FURIN: variants seen among roughly 807,000 people sequenced by gnomAD.
The protein encoded by FURIN is furin, paired basic amino acid cleaving enzyme.
In FURIN, 18 loss-of-function variants were observed where a neutral mutation model predicts 89.2. The observed-to-expected ratio is 0.20, with a 90% CI of 0.14 to 0.30. The LOEUF is 0.30. Among genes scored for constraint, FURIN ranks in the 10% least tolerant of loss-of-function variants. The probability of loss-of-function intolerance (pLI) is 1.00; values close to 1 mark genes in which losing one functional copy is unlikely to be tolerated. For missense variants in FURIN, 879 were observed against 1,100.5 expected (o/e 0.80, Z 2.85); for synonymous variants, 508 against 466.4 (o/e 1.09, Z -1.15).
chr15:90,879,525 G>T lies in FURIN; in HGVS notation c.1135G>T (p.Ala379Ser). The T allele has an allele frequency of 6.2e-7, 1 of 1,612,524 alleles. No homozygotes were observed. Among genetic ancestry groups the T allele is most frequent in the African/African-American group, 1.3e-5 (1 of 75,020 alleles). Residue 379 changes from alanine to serine, a missense_variant, in exon 10 of 16, where the codon GCT (alanine) becomes TCT (serine). By Grantham distance (99) the Ala-to-Ser change is moderately conservative. Around this residue, in one of 5 missense-constraint regions of FURIN, gnomAD observed 156 missense variants for 243.7 expected, o/e 0.64. Transcript: ENST00000268171. Reference protein sequence around the residue: ...ASAPLAAGIIALTLEANKNLT... With the variant: ...ASAPLAAGIISLTLEANKNLT... ...TGCCCCCTTAGCAGCCGGCATCATT[G>T]CTCTCACCCTGGAGGCCAAGTAAGT...
rs201172453 is a variant in FURIN at position 90,875,849 on chromosome 15, C to T, written c.109C>T (p.Arg37Cys). The T allele has an allele frequency of 4.9e-5, 78 of 1,581,052 alleles. No individual in the cohort carries two copies. The Middle Eastern group carries it at 3.0e-3, about 60-fold the overall frequency. The change falls in exon 2 of 16, where the codon CGC (arginine) becomes TGC (cysteine). Residue 37 changes from arginine to cysteine, a missense_variant. By Grantham distance (180) the Arg-to-Cys change is radical. Around this residue, in one of 5 missense-constraint regions of FURIN, gnomAD observed 125 missense variants for 125.0 expected, o/e 1.00. Transcript: ENST00000268171. Reference protein sequence around the residue: ...QKVFTNTWAVRIPGGPAVANS... With the variant: ...QKVFTNTWAVCIPGGPAVANS... ...GGTCTTCACCAACACGTGGGCTGTG[C>T]GCATCCCTGGAGGCCCAGCGGTGGC...
In FURIN at chr15:90,880,252, G is replaced by A. The variant is rs747304590; in HGVS notation, c.1535G>A (p.Arg512His). ...CACCTGGTCAGCCCCATGGGCACCC[G>A]CTCCACCCTGCTGGCAGCCAGGTGC... Reference protein sequence around the residue: ...AIHLVSPMGTRSTLLAARPHD... With the variant: ...AIHLVSPMGTHSTLLAARPHD... Residue 512 changes from arginine (R) to histidine (H), a missense_variant, in exon 13 of 16, where the codon CGC (arginine) becomes CAC (histidine). Around this residue, in one of 5 missense-constraint regions of FURIN, gnomAD observed 457 missense variants for 490.7 expected, o/e 0.93. Transcript: ENST00000268171. 23 of 1,606,678 alleles carry A rather than the reference G, an allele frequency of 1.4e-5. No homozygotes were observed. Among genetic ancestry groups the A allele is most frequent in the East Asian group, 4.5e-5 (2 of 44,748 alleles).
Position 90,876,658 on chromosome 15 carries a change from T to G in FURIN, c.372+101T>G. The G allele has an allele frequency of 2.3e-6, 2 of 867,652 alleles. No homozygotes were observed. The highest frequency in any genetic ancestry group is 3.8e-6 in the Non-Finnish European group (2 of 523,818). The allele number at this position is 867,652 out of a possible 1,614,324, so 53.7% of individuals were successfully genotyped here. A position where few individuals can be genotyped will look rare whatever the true frequency, so the allele number is the denominator to read the frequency against. On this transcript the variant is annotated intron_variant, in intron 4 of 15. Transcript: ENST00000268171. The surrounding 1 kb of genome is among the most constrained non-coding windows in gnomAD (Gnocchi z 5.0). ...AGGCTGTCTTCGAGGCCTCCTCTGA[T>G]TCGTTTCCTTTCCTCCTGCTGGGCA...
chr15:90,883,043 A>C lies in FURIN; in HGVS notation c.*1165A>C, dbSNP rs1412591646. 1 of 152,622 alleles carries C rather than the reference A, an allele frequency of 6.6e-6. No individual in the cohort carries two copies. Among genetic ancestry groups the C allele is most frequent in the Non-Finnish European group, 1.5e-5 (1 of 68,116 alleles). The allele number at this position is 152,622 out of a possible 1,614,324, so 9.5% of individuals were successfully genotyped here. A position where few individuals can be genotyped will look rare whatever the true frequency, so the allele number is the denominator to read the frequency against. On this transcript the variant is annotated 3_prime_UTR_variant, in exon 16 of 16. Transcript: ENST00000268171. ...GTGGGGCTCGCCATGCCGGGGGTTCATAGGTCACTGGCTCTCCAAGTGCCA... is the reference window on the plus strand; with the variant it reads ...GTGGGGCTCGCCATGCCGGGGGTTCCTAGGTCACTGGCTCTCCAAGTGCCA...
At position 90,878,685 on chromosome 15, in the gene FURIN, C is replaced by G. The variant is rs567050288; in HGVS notation, c.841-79C>G. On this transcript the variant is annotated intron_variant, in intron 8 of 15. Coordinates refer to ENST00000268171, the MANE Select transcript of FURIN (RefSeq NM_002569.4). ...CCCAGAGAATGAGGCTCCAGCCTTC[C>G]CAGTTTTCCAGCAGTGTCCTCCTGC... is the stretch of plus-strand genomic sequence containing the variant. 6.1e-6 allele frequency: 5 copies of G among 821,510 alleles called. No individual in the cohort carries two copies. In the East Asian group the frequency reaches 1.3e-4, roughly 21 times the overall value. The allele number at this position is 821,510 out of a possible 1,614,324, so 50.9% of individuals were successfully genotyped here. A position where few individuals can be genotyped will look rare whatever the true frequency, so the allele number is the denominator to read the frequency against.
chr15:90,878,309 G>T lies in FURIN; in HGVS notation c.840+5G>T, dbSNP rs2031750167. On this transcript the variant is annotated splice_donor_5th_base_variant and intron_variant, in intron 8 of 15. Coordinates refer to ENST00000268171, the MANE Select transcript of FURIN (RefSeq NM_002569.4). Reference sequence around the variant, plus strand: ...TTCTTCCGTGGGGTTAGCCAGGTGAGGTGGGGATCTGTCCAGCCCCTGCGG... The same window carrying T: ...TTCTTCCGTGGGGTTAGCCAGGTGATGTGGGGATCTGTCCAGCCCCTGCGG... The T allele has an allele frequency of 6.3e-7, 1 of 1,584,770 alleles. No individual in the cohort carries two copies. The highest frequency in any genetic ancestry group is 1.3e-5 in the African/African-American group (1 of 74,752).
chr15:90,880,371 T>TA, intron 13 of FURIN, 98 bp downstream of exon 13: 10 of 984,288 alleles, frequency 1.0e-5, no homozygotes, highest in South Asian at 3.2e-5. Context: ...GGGCACTGAG[T>TA]GCTACTCAGT....
intron 7 of FURIN, among the ~76,000 whole-genome samples, 164 bp from the exon 8 acceptor site, chr15:90,877,968 G>C (rs922262455): frequency 6.6e-6 from 1 of 152,180 alleles, no homozygotes; most frequent in African/African-American, 2.4e-5. Flanking sequence ...TCTTTGAAAG[G>C]CAGAGGCAAA....
chr15:90,869,702 T>G (rs2031198107), intron 1 of FURIN, among the ~76,000 whole-genome samples: 1 of 152,214 alleles, frequency 6.6e-6, no homozygotes, highest in Non-Finnish European at 1.5e-5. Context: ...CATCTGAGCC[T>G]AGGCTAGCCC....
rs772559233 is a variant in FURIN at position 90,876,047 on chromosome 15, C to A, written c.177+130C>A. The A allele has an allele frequency of 1.9e-5, 16 of 848,292 alleles. No homozygotes were observed. Among genetic ancestry groups the A allele is most frequent in the Non-Finnish European group, 2.9e-5 (16 of 549,026 alleles). The allele number at this position is 848,292 out of a possible 1,614,324, so 52.5% of individuals were successfully genotyped here. On this transcript the variant is annotated intron_variant, in intron 2 of 15. Coordinates refer to ENST00000268171, the MANE Select transcript of FURIN (RefSeq NM_002569.4). The surrounding 1 kb of genome is among the most constrained non-coding windows in gnomAD (Gnocchi z 5.0). Reference sequence around the variant, plus strand: ...CCGGCATGTTCTGGGTGGCCATGAGCAAAGCACAGGTGGTTCAGGCAAGCA... The same window carrying A: ...CCGGCATGTTCTGGGTGGCCATGAGAAAAGCACAGGTGGTTCAGGCAAGCA...
rs2031676357 is a variant in FURIN at position 90,877,131 on chromosome 15, T to C, written c.502-4T>C. 6.2e-7 allele frequency: 1 copy of C among 1,610,908 alleles called. No individual in the cohort carries two copies. The highest frequency in any genetic ancestry group is 8.5e-7 in the Non-Finnish European group (1 of 1,178,190). On this transcript the variant is annotated splice_region_variant and splice_polypyrimidine_tract_variant and intron_variant, in intron 5 of 15. Coordinates refer to ENST00000268171, the MANE Select transcript of FURIN (RefSeq NM_002569.4). ...TCTCCTGATGGTGGCCAAATCCTTC[T>C]TAGGATCCTGGGGCCAGTTTTGATG...
At chr15:90,875,984 G>C (rs1331899200) in intron 2 of FURIN, 67 bp downstream of exon 2, 8 of 1,361,788 alleles carry the variant, frequency 5.9e-6, no homozygotes, top group East Asian at 2.4e-5. Flanking sequence ...CTGGGAGCAG[G>C]AGCTGTTGGC....
rs928356675 is a variant in FURIN at position 90,876,717 on chromosome 15, G to C, written c.372+160G>C. Among the ~76,000 whole-genome samples the C allele has an allele frequency of 1.4e-4, 21 of 152,178 alleles. No individual in the cohort carries two copies. Among genetic ancestry groups the C allele is most frequent in the Non-Finnish European group, 2.6e-4 (18 of 68,032 alleles). ...TTGGCCCATCCTAATAAGCAAGCCT[G>C]GGGGTGGCCCTCCCAGAGTCCTCTA... On this transcript the variant is annotated intron_variant, in intron 4 of 15. Coordinates refer to ENST00000268171, the MANE Select transcript of FURIN (RefSeq NM_002569.4). The surrounding 1 kb of genome is among the most constrained non-coding windows in gnomAD (Gnocchi z 5.0).
At position 90,876,862 on chromosome 15, in the gene FURIN, T is replaced by C; in HGVS notation, c.373-34T>C. ...GCTCCTAGCCTCACAAAACCAATCATGTCTCATAAGTGATGGGGTGGGTGT... is the reference window on the plus strand; with the variant it reads ...GCTCCTAGCCTCACAAAACCAATCACGTCTCATAAGTGATGGGGTGGGTGT... On this transcript the variant is annotated intron_variant, in intron 4 of 15. Transcript: ENST00000268171. This position sits in a 1 kb window ranked among gnomAD's most constrained non-coding sequence, Gnocchi z 5.0. 2.5e-6 allele frequency: 4 copies of C among 1,610,558 alleles called. No homozygotes were observed. The highest frequency in any genetic ancestry group is 1.7e-5 in the Admixed American group (1 of 59,868).
Position 90,881,101 on chromosome 15 carries a change from T to C in FURIN, c.1792+61T>C. The C allele has an allele frequency of 7.6e-7, 1 of 1,317,580 alleles. No homozygotes were observed. Among genetic ancestry groups the C allele is most frequent in the Non-Finnish European group, 1.1e-6 (1 of 911,230 alleles). 81.6% of individuals were successfully genotyped at this position (1,317,580 alleles called of 1,614,324 possible). A position where few individuals can be genotyped will look rare whatever the true frequency, so the allele number is the denominator to read the frequency against. On this transcript the variant is annotated intron_variant, in intron 15 of 15. Coordinates refer to ENST00000268171, the MANE Select transcript of FURIN (RefSeq NM_002569.4). The surrounding 1 kb of genome is among the most constrained non-coding windows in gnomAD (Gnocchi z 4.3). ...AGTCTGGGGGTAAGGCGGGTGCCTG[T>C]CCTGAAGCCCAGCTCTAACAGAAAA...
intron 1 of FURIN, among the ~76,000 whole-genome samples, chr15:90,873,798 T>C (rs574849257): frequency 6.6e-6 from 1 of 152,148 alleles, no homozygotes; most frequent in Non-Finnish European, 1.5e-5. Flanking sequence ...GTGCAGGAGC[T>C]GTATTGTAGA....
chr15:90,877,074 A>T (rs199557153), intron 5 of FURIN, 50 bp downstream of exon 5: 33 of 1,612,862 alleles, frequency 2.0e-5, no homozygotes, highest in Non-Finnish European at 2.8e-5. Flanking sequence ...GTGTGTCTAG[A>T]GGCTGTCTTG....
chr15:90,875,283 C>T (rs1204974690), intron 1 of FURIN, among the ~76,000 whole-genome samples: 2 of 152,136 alleles, frequency 1.3e-5, no homozygotes, highest in Non-Finnish European at 2.9e-5. Flanking sequence ...GATCCACCCG[C>T]CTCAGCCTCC....
At chr15:90,872,038 C>T (rs1275176857) in intron 1 of FURIN, among the ~76,000 whole-genome samples, 1 of 151,412 alleles carries the variant, frequency 6.6e-6, no homozygotes, top group East Asian at 2.0e-4. Context: ...GCTCCAGCCT[C>T]CCCGCCGCCA....
Sources: allele counts gnomAD v4.1 joint callset (sites outside exome capture counted in the v4.1 genomes callset), GRCh38; gene constraint gnomAD v4.1.1; regional missense constraint gnomAD v4.1.1; non-coding constraint Gnocchi (gnomAD v3.1); transcripts MANE v1.5; gene names NCBI Gene and HGNC (gene_info 2026-07-23, HGNC 2026-07-21).